Variants in KLHDC4 observed in about 807,000 individuals in gnomAD.
The protein encoded by KLHDC4 is kelch domain-containing protein 4.
A neutral mutation model predicts 62.4 loss-of-function variants in KLHDC4; 90 were observed. That is an observed-to-expected ratio of 1.44 (90% CI 1.22 to 1.72). The LOEUF (loss-of-function observed/expected upper bound fraction) is 1.72. KLHDC4 is among the 40% of genes most tolerant of loss of function. The pLI is 0.00. For synonymous variants in KLHDC4, 386 were observed against 284.4 expected, an observed-to-expected ratio of 1.36 and a Z score of -3.59; for missense variants, 1,025 against 699.7, an observed-to-expected ratio of 1.47 and a Z score of -5.25.
intron 4 of KLHDC4, among the ~76,000 whole-genome samples, chr16:87,752,112 A>AAAAAAAAAAAAAAAC (rs2044084271): frequency 6.9e-6 from 1 of 144,172 alleles, no homozygotes; most frequent in African/African-American, 2.6e-5. Flanking sequence ...AAAAAAAAAA[A>AAAAAAAAAAAAAAAC]AAGAAGCCAA....
intron 5 of KLHDC4, among the ~76,000 whole-genome samples, chr16:87,734,300 C>A (rs915441558): frequency 6.6e-6 from 1 of 151,930 alleles, no homozygotes; most frequent in African/African-American, 2.4e-5. Flanking sequence ...GCCGACACTG[C>A]GCCACTGCAC....
chr16:87,728,695 A>C (rs62055582), intron 6 of KLHDC4, among the ~76,000 whole-genome samples: 11,262 of 152,234 alleles, frequency 0.074, 581 homozygotes, highest in Non-Finnish European at 0.1. Context: ...AAGAATGAAC[A>C]TAAGGCTAGG....
chr16:87,745,430 C>T (rs542627892), intron 5 of KLHDC4, among the ~76,000 whole-genome samples: 9 of 152,378 alleles, frequency 5.9e-5, no homozygotes, highest in African/African-American at 2.2e-4. Context: ...CCTCCCGGAA[C>T]GTGAGCTCCG....
rs148723139 is a variant in KLHDC4 at position 87,742,837 on chromosome 16, G to A, written c.506+5836C>T. 1.4e-3 allele frequency among the ~76,000 whole-genome samples: 209 copies of A among 152,256 alleles called. 1 individual carries two copies. Among genetic ancestry groups the A allele is most frequent in the Non-Finnish European group, 7.4e-4 (50 of 68,018 alleles). Reference sequence around the variant, plus strand: ...TTCTCTAAGTTCAGAATCAAAACACGGCCCCTCCAGACGAGTTGCCCTAAC... The same window carrying A: ...TTCTCTAAGTTCAGAATCAAAACACAGCCCCTCCAGACGAGTTGCCCTAAC... On this transcript the variant is annotated intron_variant, in intron 5 of 11. Coordinates refer to ENST00000270583, the MANE Select transcript of KLHDC4 (RefSeq NM_017566.4).
At chr16:87,751,039 C>T (rs1305176204) in intron 4 of KLHDC4, 1 of 152,232 alleles carries the variant, frequency 6.6e-6, no homozygotes, top group East Asian at 1.9e-4. Flanking sequence ...AACCATGCCA[C>T]ACAGTAAATA....
chr16:87,726,865 T>C lies in KLHDC4; in HGVS notation c.659A>G (p.Lys220Arg). 3 of 1,613,802 alleles carry C rather than the reference T, an allele frequency of 1.9e-6. No homozygotes were observed. Among genetic ancestry groups the C allele is most frequent in the Non-Finnish European group, 2.5e-6 (3 of 1,179,884 alleles). Residue 220 changes from lysine to arginine, a missense_variant, in exon 7 of 12, where the codon AAG (lysine) becomes AGG (arginine). Coordinates refer to ENST00000270583, the MANE Select transcript of KLHDC4 (RefSeq NM_017566.4). The part of the protein sequence containing the change: ...AFNLDTFTWS[K>R]LSPSGTGPTP... ...GGGCCCCGTCCCTGACGGGGACAGC[T>C]TGCTCCATGTGAAGGTGTCCAGATT... is the stretch of plus-strand genomic sequence containing the variant.
intron 4 of KLHDC4, chr16:87,750,334 T>A (rs574354372): frequency 1.3e-5 from 2 of 152,364 alleles, no homozygotes; most frequent in South Asian, 4.2e-4. Context: ...CAGTGCTGCA[T>A]CTCCACAGGT....
At position 87,756,240 on chromosome 16, in the gene KLHDC4, G is replaced by C. The variant is rs566447222; in HGVS notation, c.270+159C>G. On this transcript the variant is annotated intron_variant, in intron 3 of 11. Transcript: ENST00000270583. ...TCATCAACAGTCATGCCAGGGCCTG[G>C]AGCATCCTGGCGACGTCTCACATCA... is the stretch of plus-strand genomic sequence containing the variant. 4.4e-5 allele frequency: 25 copies of C among 572,162 alleles called. 1 individual carries two copies. Among genetic ancestry groups the C allele is most frequent in the Middle Eastern group, 8.7e-4 (2 of 2,312 alleles). 35.4% of individuals were successfully genotyped at this position (572,162 alleles called of 1,614,324 possible).
intron 9 of KLHDC4, chr16:87,710,942 A>G (rs1597385598): frequency 5.1e-6 from 2 of 390,870 alleles, no homozygotes; most frequent in East Asian, 9.4e-5. Context: ...CAGGACCTCC[A>G]GCAAACCCTT....
intron 7 of KLHDC4, among the ~76,000 whole-genome samples, chr16:87,717,958 C>T (rs1338814040): frequency 1.3e-5 from 2 of 152,174 alleles, no homozygotes. Context: ...ACCATGCAAG[C>T]CAGAGAGGTG....
intron 3 of KLHDC4, chr16:87,756,151 G>C (rs140015218): frequency 2.8e-6 from 1 of 352,602 alleles, no homozygotes; most frequent in Non-Finnish European, 5.4e-6. Context: ...CCCGCCAAGA[G>C]TGATGACGGC....
intron 2 of KLHDC4, among the ~76,000 whole-genome samples, chr16:87,759,499 C>A (rs2045536936): frequency 6.6e-6 from 1 of 151,950 alleles, no homozygotes; most frequent in South Asian, 2.1e-4. Context: ...GTAATCCCAG[C>A]ACTTTGGGAG....
chr16:87,699,537 A>G (rs1436927107), exon 1 of KLHDC4: 1 of 152,206 alleles, frequency 6.6e-6, no homozygotes, highest in Non-Finnish European at 1.5e-5. Flanking sequence ...CTACTAAAAA[A>G]AAAATACAAA....
chr16:87,765,980 G>T lies in KLHDC4; in HGVS notation c.-90C>A. Reference sequence around the variant, plus strand: ...AACAGGTGCTCGTGGGGCGGAGCTCGGCGCACAGAAATGGAGTCACTTCCG... The same window carrying T: ...AACAGGTGCTCGTGGGGCGGAGCTCTGCGCACAGAAATGGAGTCACTTCCG... On this transcript the variant is annotated 5_prime_UTR_variant, in exon 1 of 12. Coordinates refer to ENST00000270583, the MANE Select transcript of KLHDC4 (RefSeq NM_017566.4). 1 of 1,327,600 alleles carries T rather than the reference G, an allele frequency of 7.5e-7. No individual in the cohort carries two copies. The highest frequency in any genetic ancestry group is 1.0e-6 in the Non-Finnish European group (1 of 955,782). The allele number at this position is 1,327,600 out of a possible 1,614,324, so 82.2% of individuals were successfully genotyped here.
At chr16:87,738,063 G>A (rs60040265) in intron 5 of KLHDC4, among the ~76,000 whole-genome samples, 8,755 of 152,216 alleles carry the variant, frequency 0.058, 325 homozygotes, top group East Asian at 0.16. Flanking sequence ...GGTTACTGTG[G>A]AGTCAGAGAG....
In KLHDC4 at chr16:87,726,757, C is replaced by T. The variant is rs374619327; in HGVS notation, c.759+8G>A. 1 of 1,550,264 alleles carries T rather than the reference C, an allele frequency of 6.5e-7. No individual in the cohort carries two copies. Among genetic ancestry groups the T allele is most frequent in the Non-Finnish European group, 8.7e-7 (1 of 1,152,892 alleles). On this transcript the variant is annotated splice_region_variant and intron_variant, in intron 7 of 11. Transcript: ENST00000270583. ...ACGCCTTGCCTGTTTCCCCACCCCC[C>T]GCCTTACCTGTTTCGAGTAGCCCCC...
At chr16:87,735,349 A>G (rs1177804138) in intron 5 of KLHDC4, among the ~76,000 whole-genome samples, 1 of 151,418 alleles carries the variant, frequency 6.6e-6, no homozygotes, top group Non-Finnish European at 1.5e-5. Flanking sequence ...GTCTGCATCC[A>G]AGTCCGCTTC....
At chr16:87,724,772 C>T (rs919955317) in intron 7 of KLHDC4, among the ~76,000 whole-genome samples, 1 of 152,146 alleles carries the variant, frequency 6.6e-6, no homozygotes, top group Non-Finnish European at 1.5e-5. Context: ...CTGACCATTC[C>T]TTATTAAATA....
intron 5 of KLHDC4, among the ~76,000 whole-genome samples, chr16:87,740,285 G>A (rs1207462236): frequency 4.6e-5 from 7 of 152,146 alleles, no homozygotes; most frequent in Non-Finnish European, 7.4e-5. Flanking sequence ...GATCCCACCC[G>A]ACATGTGTGC....
Sources: allele counts gnomAD v4.1 joint callset (sites outside exome capture counted in the v4.1 genomes callset), GRCh38; gene constraint gnomAD v4.1.1; transcripts MANE v1.5; gene names NCBI Gene and HGNC (gene_info 2026-07-23, HGNC 2026-07-21).